Variants in SIRPG observed in about 807,000 individuals in gnomAD.
SIRPG encodes signal-regulatory protein gamma.
In SIRPG, 38 loss-of-function variants were observed where a neutral mutation model predicts 35.7. The observed-to-expected ratio is 1.06, with a 90% CI of 0.82 to 1.40. The LOEUF is 1.40. Ranked by LOEUF, SIRPG falls within the 40% of genes most tolerant of loss-of-function variation. SIRPG has a pLI of 0.00. For missense variants in SIRPG, 519 were observed against 483.0 expected (o/e 1.07, Z -0.70); for synonymous variants, 215 against 190.4 (o/e 1.13, Z -1.06).
the SIRPG span, among the ~76,000 whole-genome samples, chr20:1,684,917 G>A: frequency 6.6e-6 from 1 of 152,332 alleles, no homozygotes; most frequent in African/African-American, 2.4e-5. Context: ...TACCTTGTAG[G>A]AAGAGCTCAA....
At chr20:1,685,460 A>C in the SIRPG span, among the ~76,000 whole-genome samples, 82,663 of 151,808 alleles carry the variant, frequency 0.54, 22,676 homozygotes, top group Admixed American at 0.59. Flanking sequence ...AGAACACGTA[A>C]TAAGACACAG....
intron 1 of SIRPG, among the ~76,000 whole-genome samples, chr20:1,656,658 C>T (rs1047486233): frequency 2.5e-4 from 38 of 152,162 alleles, no homozygotes; most frequent in South Asian, 1.5e-3. Context: ...ACAGGGCTCT[C>T]TCAGGTGGCA....
intron 1 of SIRPG, among the ~76,000 whole-genome samples, chr20:1,652,865 C>T (rs977978696): frequency 6.6e-6 from 1 of 152,076 alleles, no homozygotes; most frequent in Non-Finnish European, 1.5e-5. Flanking sequence ...TTTATTCTAC[C>T]AAAGTACCCC....
At chr20:1,656,360 G>A (rs1242348664) in intron 1 of SIRPG, among the ~76,000 whole-genome samples, 1 of 152,226 alleles carries the variant, frequency 6.6e-6, no homozygotes, top group Non-Finnish European at 1.5e-5. Flanking sequence ...CTTCCACACA[G>A]GGATGCTGTG....
the SIRPG span, among the ~76,000 whole-genome samples, chr20:1,684,511 C>A: frequency 6.6e-6 from 1 of 152,078 alleles, no homozygotes; most frequent in Non-Finnish European, 1.5e-5. Flanking sequence ...ATTATGAAAC[C>A]TGTTAAAATC....
At chr20:1,685,040 G>A in the SIRPG span, among the ~76,000 whole-genome samples, 3 of 152,248 alleles carry the variant, frequency 2.0e-5, no homozygotes, top group Admixed American at 1.3e-4. Flanking sequence ...GCAGGGGCCA[G>A]TGGGGAGCAG....
In SIRPG at chr20:1,653,962, G is replaced by A. The variant is rs1026639510; in HGVS notation, c.73+3680C>T. On this transcript the variant is annotated intron_variant, in intron 1 of 5. Coordinates refer to ENST00000303415, the MANE Select transcript of SIRPG (RefSeq NM_018556.4). Reference sequence around the variant, plus strand: ...GAGCAAAAAGAACAAAGATGGGGCCGGGCATGGTGGCTCATGCCTGTAATC... The same window carrying A: ...GAGCAAAAAGAACAAAGATGGGGCCAGGCATGGTGGCTCATGCCTGTAATC... Among the ~76,000 whole-genome samples, 5 of 152,120 alleles carry A rather than the reference G, an allele frequency of 3.3e-5. 1 individual carries two copies. Among genetic ancestry groups the A allele is most frequent in the Non-Finnish European group, 5.9e-5 (4 of 68,018 alleles).
chr20:1,648,425 T>C (rs2122537535), intron 2 of SIRPG: 1 of 152,320 alleles, frequency 6.6e-6, no homozygotes, highest in South Asian at 2.1e-4. Flanking sequence ...ATCTTCCCTG[T>C]GTGATGTTTC....
the SIRPG span, among the ~76,000 whole-genome samples, chr20:1,672,553 G>T: frequency 3.3e-5 from 5 of 152,266 alleles, no homozygotes; most frequent in African/African-American, 1.2e-4. Context: ...AAACAGGTTT[G>T]CAGTTTAGAA....
upstream of SIRPG, among the ~76,000 whole-genome samples, chr20:1,662,166 T>G (rs183300053): frequency 4.6e-5 from 7 of 152,048 alleles, no homozygotes. Context: ...AATTGAGGAG[T>G]TGGGCAGGGT....
chr20:1,668,171 T>TTTTCTTTTCTTTTC, the SIRPG span, among the ~76,000 whole-genome samples: 1 of 62,852 alleles, frequency 1.6e-5, no homozygotes, highest in African/African-American at 5.2e-5. Flanking sequence ...TTTTCTTTTC[T>TTTTCTTTTCTTTTC]TTTCTTTCTT....
chr20:1,643,900 T>A (rs1031363465), intron 2 of SIRPG, among the ~76,000 whole-genome samples: 4 of 152,134 alleles, frequency 2.6e-5, no homozygotes, highest in Non-Finnish European at 5.9e-5. Context: ...CCTGGACATG[T>A]CACTTGAAGA....
chr20:1,635,849 A>G (rs1383985561), intron 3 of SIRPG, among the ~76,000 whole-genome samples: 2 of 152,204 alleles, frequency 1.3e-5, no homozygotes, highest in Non-Finnish European at 2.9e-5. Context: ...CTACAAGCAC[A>G]ACCCCTGGCA....
intron 4 of SIRPG, among the ~76,000 whole-genome samples, chr20:1,634,999 C>T (rs112079140): frequency 0.014 from 2,047 of 151,348 alleles, 56 homozygotes; most frequent in African/African-American, 0.047. Context: ...GCAGAGATCG[C>T]GCCACTGCAC....
chr20:1,672,052 T>A, the SIRPG span, among the ~76,000 whole-genome samples: 3 of 152,182 alleles, frequency 2.0e-5, no homozygotes, highest in Non-Finnish European at 4.4e-5. Flanking sequence ...CAGAAGCCAA[T>A]ACAGGGAACA....
chr20:1,648,979 C>G (rs1458285595), intron 2 of SIRPG, 73 bp downstream of exon 2: 2 of 1,336,882 alleles, frequency 1.5e-6, no homozygotes, highest in Non-Finnish European at 2.1e-6. Context: ...GATTGTTGCT[C>G]AAAGAATGGA....
chr20:1,681,277 T>C, the SIRPG span, among the ~76,000 whole-genome samples: 3 of 152,208 alleles, frequency 2.0e-5, no homozygotes, highest in African/African-American at 7.2e-5. Context: ...TCTCATGGAA[T>C]AGAATCAGGG....
chr20:1,653,763 T>C (rs1357625902), intron 1 of SIRPG, among the ~76,000 whole-genome samples: 1 of 152,174 alleles, frequency 6.6e-6, no homozygotes, highest in Non-Finnish European at 1.5e-5. Context: ...ACCACACATC[T>C]CTTCAATGTG....
chr20:1,685,137 G>A, the SIRPG span, among the ~76,000 whole-genome samples: 1 of 152,150 alleles, frequency 6.6e-6, no homozygotes. Context: ...TCTGTGGGCT[G>A]TGAGCAGGGC....
Sources: gnomAD v4.1 joint callset for allele counts (sites outside exome capture counted in the v4.1 genomes callset) on GRCh38, gnomAD v4.1.1 for gene constraint, MANE v1.5 for transcripts, NCBI Gene and HGNC (gene_info 2026-07-23, HGNC 2026-07-21) for gene names.